WBP4: variants seen among roughly 807,000 people sequenced by gnomAD.
The protein encoded by WBP4 is WW domain binding protein 4.
In WBP4, 37 loss-of-function variants were observed where a neutral mutation model predicts 55.4. The observed-to-expected ratio is 0.67, with a 90% CI of 0.51 to 0.88. The LOEUF (loss-of-function observed/expected upper bound fraction) is 0.88. Ranked by LOEUF, WBP4 falls within the 40% of genes least tolerant of loss-of-function variation. The probability of loss-of-function intolerance (pLI) is 0.00; values close to 1 mark genes in which losing one functional copy is unlikely to be tolerated. For synonymous variants in WBP4, 142 were observed against 140.2 expected (o/e 1.01, Z -0.09); for missense variants, 398 against 420.8 (o/e 0.95, Z 0.47).
intron 6 of WBP4, 34 bp from the exon 7 acceptor site, chr13:41,072,748 C>T (rs1202682970): frequency 4.4e-6 from 7 of 1,591,098 alleles, no homozygotes; most frequent in Non-Finnish European, 6.0e-6. Flanking sequence ...CATGGTTATC[C>T]TTAGTTTATG....
intron 8 of WBP4, among the ~76,000 whole-genome samples, chr13:41,077,071 C>T (rs1323624176): frequency 3.3e-5 from 5 of 152,054 alleles, no homozygotes; most frequent in Admixed American, 1.3e-4. Context: ...AAACCTTCAA[C>T]AAAATACTGG....
At chr13:41,077,636 G>A (rs1335349471) in intron 8 of WBP4, among the ~76,000 whole-genome samples, 1 of 152,200 alleles carries the variant, frequency 6.6e-6, no homozygotes, top group Non-Finnish European at 1.5e-5. Context: ...GCTAGCCTGA[G>A]CAGTCAGGCA....
At position 41,061,560 on chromosome 13, in the gene WBP4, A is replaced by G. The variant is rs1877635810; in HGVS notation, c.-114A>G. Reference sequence around the variant, plus strand: ...CCCGGGGACTGAGTAAGGTGTCTGGATCGGAGGGAGGTTCGGGTGGGCATC... The same window carrying G: ...CCCGGGGACTGAGTAAGGTGTCTGGGTCGGAGGGAGGTTCGGGTGGGCATC... On this transcript the variant is annotated 5_prime_UTR_variant, in exon 1 of 10. Transcript: ENST00000379487. 3.3e-6 allele frequency: 5 copies of G among 1,531,538 alleles called. No individual in the cohort carries two copies. In the African/African-American group the frequency reaches 4.1e-5, roughly 13 times the overall value. The allele number at this position is 1,531,538 out of a possible 1,614,324, so 94.9% of individuals were successfully genotyped here.
In WBP4 at chr13:41,072,868, C is replaced by G. The variant is rs760711841; in HGVS notation, c.562+11C>G. On this transcript the variant is annotated intron_variant, in intron 7 of 9. Coordinates refer to ENST00000379487, the MANE Select transcript of WBP4 (RefSeq NM_007187.5). ...ATACAGAAACAGGAGGTAAGTATTA[C>G]CTTTGATTATCTTAACTGTTTAAAA... The G allele has an allele frequency of 1.3e-6, 2 of 1,599,806 alleles. No homozygotes were observed. Among genetic ancestry groups the G allele is most frequent in the Middle Eastern group, 1.7e-4 (1 of 5,756 alleles).
intron 1 of WBP4, chr13:41,061,986 A>G: frequency 5.3e-6 from 5 of 944,062 alleles, no homozygotes; most frequent in Non-Finnish European, 6.3e-6. Flanking sequence ...CGGGGGTCGC[A>G]TGCACCCCTT....
intron 2 of WBP4, among the ~76,000 whole-genome samples, chr13:41,064,216 C>T (rs1877839624): frequency 6.6e-6 from 1 of 152,124 alleles, no homozygotes; most frequent in South Asian, 2.1e-4. Context: ...AACTGGAGCT[C>T]CCTTTGTATC....
chr13:41,062,117 T>G lies in WBP4; in HGVS notation c.2+442T>G, dbSNP rs569816113. On this transcript the variant is annotated intron_variant, in intron 1 of 9. Coordinates refer to ENST00000379487, the MANE Select transcript of WBP4 (RefSeq NM_007187.5). Reference sequence around the variant, plus strand: ...AATGGTTTTTTTTTTTTTTTTTTTTTTTTTTTTGTCGGCCGTCTACGAAGT... The same window carrying G: ...AATGGTTTTTTTTTTTTTTTTTTTTGTTTTTTTGTCGGCCGTCTACGAAGT... The G allele has an allele frequency of 3.6e-5, 35 of 975,330 alleles. No homozygotes were observed. The East Asian group carries it at 1.9e-3, about 52-fold the overall frequency. The allele number at this position is 975,330 out of a possible 1,614,324, so 60.4% of individuals were successfully genotyped here.
In WBP4 at chr13:41,061,538, G is replaced by A. The variant is rs956355475; in HGVS notation, c.-136G>A. 2.2e-6 allele frequency: 3 copies of A among 1,392,586 alleles called. No individual in the cohort carries two copies. The highest frequency in any genetic ancestry group is 2.3e-5 in the East Asian group (1 of 43,076). The allele number at this position is 1,392,586 out of a possible 1,614,324, so 86.3% of individuals were successfully genotyped here. A position where few individuals can be genotyped will look rare whatever the true frequency, so the allele number is the denominator to read the frequency against. ...TTGGGAACAGCGGAACGCTGGTCCC[G>A]GGGACTGAGTAAGGTGTCTGGATCG... On this transcript the variant is annotated 5_prime_UTR_variant, in exon 1 of 10. Coordinates refer to ENST00000379487, the MANE Select transcript of WBP4 (RefSeq NM_007187.5).
intron 6 of WBP4, among the ~76,000 whole-genome samples, chr13:41,072,293 C>CA (rs2138471998): frequency 6.6e-6 from 1 of 152,128 alleles, no homozygotes; most frequent in South Asian, 2.1e-4. Flanking sequence ...TCTTGCATTG[C>CA]TATAAAGAAA....
Position 41,083,130 on chromosome 13 carries a change from G to A in WBP4, c.*216G>A, listed in dbSNP as rs1320008644. The A allele has an allele frequency of 8.9e-6, 4 of 447,450 alleles. No homozygotes were observed. The highest frequency in any genetic ancestry group is 3.4e-5 in the South Asian group (1 of 29,066). 27.7% of individuals were successfully genotyped at this position (447,450 alleles called of 1,614,324 possible). On this transcript the variant is annotated 3_prime_UTR_variant, in exon 10 of 10. Coordinates refer to ENST00000379487, the MANE Select transcript of WBP4 (RefSeq NM_007187.5). ...ATTGCATTGTAATACAGTGTATTAT[G>A]TTCAGTGTCTAAAAACTGCTAATTA...
chr13:41,079,292 T>G (rs1878654511), intron 8 of WBP4, among the ~76,000 whole-genome samples: 1 of 152,032 alleles, frequency 6.6e-6, no homozygotes, highest in African/African-American at 2.4e-5. Flanking sequence ...AGAAAATGGC[T>G]GGATGCAGTG....
intron 2 of WBP4, among the ~76,000 whole-genome samples, chr13:41,062,985 C>A (rs1396762892): frequency 1.3e-5 from 2 of 152,074 alleles, no homozygotes; most frequent in Non-Finnish European, 2.9e-5. Flanking sequence ...TGTTATGAAG[C>A]ACCTATATTA....
intron 4 of WBP4, among the ~76,000 whole-genome samples, chr13:41,066,971 G>T (rs1877999935): frequency 6.6e-6 from 1 of 152,136 alleles, no homozygotes; most frequent in African/African-American, 2.4e-5. Flanking sequence ...CAATCCTTTG[G>T]AAAGTAAAGC....
chr13:41,064,966 TATG>T (rs1391697984), intron 2 of WBP4, 47 bp from the exon 3 acceptor site: 5 of 1,449,352 alleles, frequency 3.4e-6, no homozygotes, highest in Non-Finnish European at 3.7e-6. Flanking sequence ...CTATGAATTT[TATG>T]ATGTTTATGT....
intron 7 of WBP4, among the ~76,000 whole-genome samples, chr13:41,073,701 A>G (rs1374277453): frequency 1.3e-5 from 2 of 151,784 alleles, no homozygotes; most frequent in East Asian, 3.9e-4. Flanking sequence ...CCAGCTACTC[A>G]GGAGGCTGAG....
intron 6 of WBP4, 78 bp downstream of exon 6, chr13:41,071,651 T>C: frequency 7.3e-7 from 1 of 1,361,162 alleles, no homozygotes; most frequent in East Asian, 2.3e-5. Flanking sequence ...AGAGTTTTGC[T>C]AAGCAACTTT....
Position 41,082,764 on chromosome 13 carries a change from T to C in WBP4, c.981T>C (p.Ala327=). The C allele has an allele frequency of 6.2e-7, 1 of 1,614,126 alleles. No homozygotes were observed. The highest frequency in any genetic ancestry group is 8.5e-7 in the Non-Finnish European group (1 of 1,180,018). ...TENEYVSTSE[A]DGGGEPKVVF... ...ATGAGTATGTATCAACTTCAGAAGC[T>C]GATGGTGGCGGAGAACCCAAAGTGG... The change falls in exon 10 of 10, where the codon GCT becomes GCC. Residue 327 remains alanine (A), a synonymous_variant. Coordinates refer to ENST00000379487, the MANE Select transcript of WBP4 (RefSeq NM_007187.5).
At chr13:41,075,791 C>A (rs1452345188) in intron 7 of WBP4, among the ~76,000 whole-genome samples, 1 of 152,106 alleles carries the variant, frequency 6.6e-6, no homozygotes, top group Non-Finnish European at 1.5e-5. Flanking sequence ...TTAGAAATAT[C>A]ACCCAGTTCT....
rs201128043 is a variant in WBP4 at position 41,076,199 on chromosome 13, G to C, written c.718G>C (p.Val240Leu). 22 of 1,609,918 alleles carry C rather than the reference G, an allele frequency of 1.4e-5. No individual in the cohort carries two copies. In the East Asian group the frequency reaches 4.9e-4, roughly 36 times the overall value. Residue 240 changes from valine to leucine, a missense_variant, in exon 8 of 10, where the codon GTC becomes CTC. Coordinates refer to ENST00000379487, the MANE Select transcript of WBP4 (RefSeq NM_007187.5). ...DGEQEAEEGG[V>L]STETEKPKIK... is the part of the protein sequence containing the mutation. Reference sequence around the variant, plus strand: ...GGAACAGGAAGCAGAAGAAGGAGGGGTCTCTACAGAGACAGAAAAGCCAAA... The same window carrying C: ...GGAACAGGAAGCAGAAGAAGGAGGGCTCTCTACAGAGACAGAAAAGCCAAA...
Sources: gnomAD v4.1 joint callset for allele counts (sites outside exome capture counted in the v4.1 genomes callset) on GRCh38, gnomAD v4.1.1 for gene constraint, MANE v1.5 for transcripts, NCBI Gene and HGNC (gene_info 2026-07-23, HGNC 2026-07-21) for gene names.